Variants in WNT9B observed in about 807,000 individuals in gnomAD.
WNT9B encodes the protein Wnt family member 9B, also known as protein Wnt-9b.
Under a neutral mutation model 30.2 loss-of-function variants are expected in WNT9B, and 12 were observed. The ratio of observed to expected loss-of-function variants is 0.40; its 90% confidence interval spans 0.26 to 0.64. WNT9B has a LOEUF of 0.64. Ranked by LOEUF, WNT9B falls within the 30% of genes least tolerant of loss-of-function variation. The probability of loss-of-function intolerance (pLI) is 0.42; values close to 1 mark genes in which losing one functional copy is unlikely to be tolerated. For missense variants in WNT9B, 442 were observed against 485.2 expected (o/e 0.91, Z 0.84); for synonymous variants, 218 against 216.9 (o/e 1.01, Z -0.05).
intron 1 of WNT9B, 105 bp from the exon 2 acceptor site, chr17:46,872,412 C>A: frequency 1.4e-6 from 2 of 1,384,854 alleles, no homozygotes; most frequent in Non-Finnish European, 1.9e-6. Flanking sequence ...CAGCCTGCTG[C>A]CCAGAAGGGC....
downstream of WNT9B, among the ~76,000 whole-genome samples, chr17:46,882,934 C>T (rs1879990113): frequency 6.6e-6 from 1 of 152,242 alleles, no homozygotes; most frequent in African/African-American, 2.4e-5. Flanking sequence ...CAGGCCATTT[C>T]CTCATACTCC....
intron 2 of WNT9B, chr17:46,874,859 C>T (rs930488978): frequency 1.1e-5 from 7 of 640,196 alleles, no homozygotes; most frequent in East Asian, 2.8e-5. Flanking sequence ...ATTAGGGGCA[C>T]GAGCCACTGT....
rs992437392 is a variant in WNT9B at position 46,851,650 on chromosome 17, G to A, written c.12G>A (p.Pro4=). 3.5e-4 allele frequency: 442 copies of A among 1,265,492 alleles called. No individual in the cohort carries two copies. Among genetic ancestry groups the A allele is most frequent in the Non-Finnish European group, 4.3e-4 (431 of 1,010,028 alleles). 78.4% of individuals were successfully genotyped at this position (1,265,492 alleles called of 1,614,324 possible). The change falls in exon 1 of 4, where the codon CCG becomes CCA. Residue 4 remains proline, a synonymous_variant. Coordinates refer to ENST00000290015, the MANE Select transcript of WNT9B (RefSeq NM_003396.3). This position sits in a 1 kb window ranked among gnomAD's most constrained non-coding sequence, Gnocchi z 4.3. MRP[P]PALALAGLCL... is the part of the protein sequence containing the mutation. Reference sequence around the variant, plus strand: ...GCGCCGCCAGCACCATGCGCCCCCCGCCCGCGCTGGCCCTGGCCGGGCTCT... The same window carrying A: ...GCGCCGCCAGCACCATGCGCCCCCCACCCGCGCTGGCCCTGGCCGGGCTCT...
rs56324505 is a variant in WNT9B at position 46,877,639 on chromosome 17, C to T, written c.*921C>T. ...TTCCTGGTGCCTGGCAGTGACGTGGCGAGCTCAGTTTCTCAGCTGGCTCTT... is the reference window on the plus strand; with the variant it reads ...TTCCTGGTGCCTGGCAGTGACGTGGTGAGCTCAGTTTCTCAGCTGGCTCTT... On this transcript the variant is annotated 3_prime_UTR_variant, in exon 4 of 4. Coordinates refer to ENST00000290015, the MANE Select transcript of WNT9B (RefSeq NM_003396.3). Among the ~76,000 whole-genome samples, 285 of 152,276 alleles carry T rather than the reference C, an allele frequency of 1.9e-3. No individual in the cohort carries two copies. Among genetic ancestry groups the T allele is most frequent in the African/African-American group, 6.4e-3 (266 of 41,560 alleles).
At chr17:46,848,939 C>G (rs2084807630), upstream of WNT9B, among the ~76,000 whole-genome samples, 1 of 152,172 alleles carries the variant, frequency 6.6e-6, no homozygotes, top group South Asian at 2.1e-4. Context: ...CGTGCACACA[C>G]ACACACACAC....
intron 1 of WNT9B, among the ~76,000 whole-genome samples, chr17:46,869,930 T>A: frequency 6.6e-6 from 1 of 151,394 alleles, no homozygotes; most frequent in Admixed American, 6.6e-5. Context: ...ACCCGGGAAG[T>A]GGAGGTTACA....
At chr17:46,836,709 C>G (rs2084636510) in intron 1 of WNT9B, among the ~76,000 whole-genome samples, 1 of 152,076 alleles carries the variant, frequency 6.6e-6, no homozygotes, top group South Asian at 2.1e-4. Flanking sequence ...TCCTGGCAAG[C>G]CAGGCTGGAG....
intron 1 of WNT9B, among the ~76,000 whole-genome samples, chr17:46,864,136 A>G (rs1157998280): frequency 6.6e-6 from 1 of 152,194 alleles, no homozygotes; most frequent in African/African-American, 2.4e-5. Flanking sequence ...GAAGAGGGTG[A>G]TCGGAGCCCA....
At chr17:46,868,268 C>T (rs949101350) in intron 1 of WNT9B, among the ~76,000 whole-genome samples, 1 of 152,242 alleles carries the variant, frequency 6.6e-6, no homozygotes, top group Non-Finnish European at 1.5e-5. Flanking sequence ...GATAGCATCT[C>T]ATTGGCCATA....
At chr17:46,855,984 C>T (rs1400548928) in intron 1 of WNT9B, among the ~76,000 whole-genome samples, 1 of 152,170 alleles carries the variant, frequency 6.6e-6, no homozygotes, top group Non-Finnish European at 1.5e-5. Context: ...CCACCATGCC[C>T]GGCCCCCAGT....
At chr17:46,874,243 G>A (rs1182847823) in intron 2 of WNT9B, among the ~76,000 whole-genome samples, 1 of 152,212 alleles carries the variant, frequency 6.6e-6, no homozygotes, top group Non-Finnish European at 1.5e-5. Flanking sequence ...AGGCAAGTCA[G>A]CCAGGAGACT....
chr17:46,849,435 C>A (rs1002241604), upstream of WNT9B, among the ~76,000 whole-genome samples: 3 of 152,214 alleles, frequency 2.0e-5, no homozygotes, highest in African/African-American at 7.2e-5. Flanking sequence ...CCCACTCCAT[C>A]CTCACCTGCC....
intron 1 of WNT9B, among the ~76,000 whole-genome samples, chr17:46,870,677 C>T (rs1374622042): frequency 6.6e-6 from 1 of 152,204 alleles, no homozygotes; most frequent in Non-Finnish European, 1.5e-5. Context: ...GGTGAGGCTT[C>T]CAACTTCTGG....
chr17:46,843,636 G>A (rs551812965), intron 1 of WNT9B, among the ~76,000 whole-genome samples: 16 of 152,294 alleles, frequency 1.1e-4, no homozygotes, highest in East Asian at 1.9e-4. Context: ...TTCTAATCCC[G>A]GTTCTAAGCT....
At chr17:46,870,303 A>G (rs1376586189) in intron 1 of WNT9B, among the ~76,000 whole-genome samples, 6 of 152,178 alleles carry the variant, frequency 3.9e-5, no homozygotes, top group Non-Finnish European at 7.3e-5. Context: ...GCTGCCCTCC[A>G]CACTGGAAGC....
intron 1 of WNT9B, among the ~76,000 whole-genome samples, chr17:46,842,431 G>A (rs2084727000): frequency 6.6e-6 from 1 of 152,188 alleles, no homozygotes; most frequent in African/African-American, 2.4e-5. Flanking sequence ...CTGGAGTGCA[G>A]TGGCGCGATC....
At chr17:46,870,487 C>T (rs1262535973) in intron 1 of WNT9B, among the ~76,000 whole-genome samples, 1 of 152,228 alleles carries the variant, frequency 6.6e-6, no homozygotes, top group East Asian at 1.9e-4. Context: ...GGTCCCTGCC[C>T]TCACCCTGTC....
intron 1 of WNT9B, among the ~76,000 whole-genome samples, chr17:46,839,934 TTCTTTC>T (rs2084681948): frequency 6.8e-6 from 1 of 147,610 alleles, no homozygotes; most frequent in Admixed American, 6.8e-5. Flanking sequence ...CTTTCTTTCT[TTCTTTC>T]TTTCTTTCTT....
rs34586359 is a variant in WNT9B at position 46,845,485 on chromosome 17, A to ATTT, written c.95+12065_95+12067dup. Among the ~76,000 whole-genome samples, 322 of 121,368 alleles carry ATTT rather than the reference A, an allele frequency of 2.7e-3. 4 individuals carry two copies. The highest frequency in any genetic ancestry group is 0.017 in the East Asian group (65 of 3,732). The allele number at this position is 121,368 out of a possible 152,430, so 79.6% of individuals were successfully genotyped here. A position where few individuals can be genotyped will look rare whatever the true frequency, so the allele number is the denominator to read the frequency against. On this transcript the variant is annotated intron_variant, in intron 1 of 2. Transcript: ENST00000575372. ...AGGGACAATGGAGTGAGTTATCTGA[A>ATTT]TTTTTTTTTTTTTTTTTTTTTTGAG...
Sources: allele counts gnomAD v4.1 joint callset (sites outside exome capture counted in the v4.1 genomes callset), GRCh38; gene constraint gnomAD v4.1.1; non-coding constraint Gnocchi (gnomAD v3.1); transcripts MANE v1.5; gene names NCBI Gene and HGNC (gene_info 2026-07-23, HGNC 2026-07-21).